The following HSF5 variants were observed in gnomAD, a reference collection of about 807,000 sequenced individuals.
The protein encoded by HSF5 is heat shock factor protein 5.
HSF5 carries 5 observed loss-of-function variants against 50.8 expected under a neutral mutation model. The observed-to-expected ratio is 0.10, with a 90% CI of 0.05 to 0.21. The LOEUF is 0.21. Among genes scored for constraint, HSF5 ranks in the 10% least tolerant of loss-of-function variants. The pLI, the probability that HSF5 is intolerant of heterozygous loss-of-function variation, is 1.00. For missense variants in HSF5, 564 were observed against 762.6 expected, an observed-to-expected ratio of 0.74 and a Z score of 3.07; for synonymous variants, 307 against 307.4, an observed-to-expected ratio of 1.00 and a Z score of 0.02.
intron 5 of HSF5, among the ~76,000 whole-genome samples, chr17:58,452,671 G>A (rs1000129261): frequency 9.9e-5 from 15 of 152,160 alleles, no homozygotes; most frequent in Admixed American, 2.0e-4. Flanking sequence ...TTAGCTAGGC[G>A]TCACCGCACC....
rs1356023984 is a variant in HSF5 at position 58,488,392 on chromosome 17, A to G, written c.-118T>C. 2 of 1,304,730 alleles carry G rather than the reference A, an allele frequency of 1.5e-6. No homozygotes were observed. Among genetic ancestry groups the G allele is most frequent in the Non-Finnish European group, 9.7e-7 (1 of 1,032,714 alleles). 80.8% of individuals were successfully genotyped at this position (1,304,730 alleles called of 1,614,324 possible). Reference sequence around the variant, plus strand: ...TGCCGGCGCCCATCCGCCGCGTACCAGGGACCGTTGGCGCACGAGGCCCCG... The same window carrying G: ...TGCCGGCGCCCATCCGCCGCGTACCGGGGACCGTTGGCGCACGAGGCCCCG... On this transcript the variant is annotated 5_prime_UTR_variant, in exon 1 of 6. Coordinates refer to ENST00000323777, the MANE Select transcript of HSF5 (RefSeq NM_001080439.3). This position sits in a 1 kb window ranked among gnomAD's most constrained non-coding sequence, Gnocchi z 4.1.
At chr17:58,434,532 A>G (rs1381817799) in intron 5 of HSF5, among the ~76,000 whole-genome samples, 5 of 150,754 alleles carry the variant, frequency 3.3e-5, no homozygotes, top group Admixed American at 3.3e-4. Flanking sequence ...GCCTGGCAAC[A>G]GAGCTAGACT....
intron 5 of HSF5, among the ~76,000 whole-genome samples, chr17:58,457,059 G>A (rs1974721113): frequency 6.6e-6 from 1 of 152,064 alleles, no homozygotes. Flanking sequence ...AGGAGTTCAA[G>A]ACCAGCCTGG....
At chr17:58,477,023 CACACGCGCGGG>C (rs1454393229) in intron 2 of HSF5, 1 of 561,970 alleles carries the variant, frequency 1.8e-6, no homozygotes, top group Non-Finnish European at 3.2e-6. Flanking sequence ...CCCCTCACGG[CACACGCGCGGG>C]CGCTTGCTGG....
At chr17:58,442,216 T>G (rs1974507626) in intron 5 of HSF5, among the ~76,000 whole-genome samples, 1 of 152,214 alleles carries the variant, frequency 6.6e-6, no homozygotes, top group Non-Finnish European at 1.5e-5. Context: ...GGTGGTGGAA[T>G]GCTTAGGTGG....
At position 58,463,440 on chromosome 17, in the gene HSF5, A is replaced by C. The variant is rs148195621; in HGVS notation, c.1021-137T>G. 146 of 690,358 alleles carry C rather than the reference A, an allele frequency of 2.1e-4. No homozygotes were observed. The African/African-American group carries it at 2.3e-3, about 11-fold the overall frequency. 42.8% of individuals were successfully genotyped at this position (690,358 alleles called of 1,614,324 possible). On this transcript the variant is annotated intron_variant, in intron 3 of 5. Coordinates refer to ENST00000323777, the MANE Select transcript of HSF5 (RefSeq NM_001080439.3). ...AGATCACTAAGAAAACCTAGACACT[A>C]ATCTACTTTTCAGCAATAGTAGCTT...
chr17:58,468,227 G>A (rs1252323518), intron 2 of HSF5, among the ~76,000 whole-genome samples: 48 of 151,944 alleles, frequency 3.2e-4, no homozygotes, highest in Non-Finnish European at 3.4e-4. Flanking sequence ...GTGAAACCCC[G>A]TCTCTACAAA....
At chr17:58,426,235 C>G (rs962644297) in intron 5 of HSF5, among the ~76,000 whole-genome samples, 5 of 152,184 alleles carry the variant, frequency 3.3e-5, no homozygotes, top group African/African-American at 1.2e-4. Context: ...AATAATTGGG[C>G]TTTAAAGTAG....
intron 5 of HSF5, among the ~76,000 whole-genome samples, chr17:58,443,318 T>C (rs1381275702): frequency 2.0e-5 from 3 of 152,152 alleles, no homozygotes; most frequent in Non-Finnish European, 4.4e-5. Flanking sequence ...AGTCCTTTCA[T>C]TCTTAGTTCC....
At chr17:58,445,357 T>G (rs1483280971) in intron 5 of HSF5, among the ~76,000 whole-genome samples, 1 of 152,094 alleles carries the variant, frequency 6.6e-6, no homozygotes, top group Non-Finnish European at 1.5e-5. Flanking sequence ...GAAAGGAAGA[T>G]TATTTGAGTC....
At position 58,487,832 on chromosome 17, in the gene HSF5, G is replaced by A; in HGVS notation, c.443C>T (p.Pro148Leu). 1 of 1,580,222 alleles carries A rather than the reference G, an allele frequency of 6.3e-7. No individual in the cohort carries two copies. ...LAAGLEVPCRPPNRFQRLLIT... is the reference protein window; with the variant it reads ...LAAGLEVPCRLPNRFQRLLIT... ...GAGCAGCCGCTGGAAGCGGTTGGGC[G>A]GGCGGCAGGGCACCTCCAGGCCGGC... Residue 148 changes from proline (P) to leucine (L), a missense_variant, in exon 1 of 6, where the codon CCG (proline) becomes CTG (leucine). Physicochemically the swap from Pro to Leu is moderately conservative, Grantham distance 98 (BLOSUM62 -3). Transcript: ENST00000323777.
chr17:58,426,084 T>C (rs1413588276), intron 5 of HSF5, among the ~76,000 whole-genome samples: 2 of 152,146 alleles, frequency 1.3e-5, no homozygotes, highest in Non-Finnish European at 2.9e-5. Context: ...TTTTGGAATA[T>C]GAATAGACCC....
chr17:58,473,708 A>G (rs1974976662), intron 2 of HSF5, among the ~76,000 whole-genome samples: 1 of 152,226 alleles, frequency 6.6e-6, no homozygotes, highest in African/African-American at 2.4e-5. Context: ...AAGAAAAAAA[A>G]TGATTCCAAT....
chr17:58,452,272 A>AAAAG (rs991566326), intron 5 of HSF5, among the ~76,000 whole-genome samples: 2 of 152,126 alleles, frequency 1.3e-5, no homozygotes, highest in African/African-American at 4.8e-5. Flanking sequence ...AAAAAAACAA[A>AAAAG]AAAGAAAGAA....
intron 3 of HSF5, 32 bp downstream of exon 3, chr17:58,466,853 G>A (rs775002352): frequency 3.0e-5 from 40 of 1,312,394 alleles, no homozygotes; most frequent in Admixed American, 2.2e-4. Context: ...CACATAAAGC[G>A]CGGAGCATGG....
chr17:58,470,044 C>T (rs1001755031), intron 2 of HSF5, among the ~76,000 whole-genome samples: 1 of 151,954 alleles, frequency 6.6e-6, no homozygotes, highest in African/African-American at 2.4e-5. Flanking sequence ...AGAAAATACC[C>T]AATAATATAA....
Position 58,464,626 on chromosome 17 carries a change from T to C in HSF5, c.1021-1323A>G, listed in dbSNP as rs571016923. 2.5e-4 allele frequency among the ~76,000 whole-genome samples: 38 copies of C among 152,324 alleles called. 1 individual carries two copies. In the South Asian group the frequency reaches 7.7e-3, roughly 31 times the overall value. On this transcript the variant is annotated intron_variant, in intron 3 of 5. Coordinates refer to ENST00000323777, the MANE Select transcript of HSF5 (RefSeq NM_001080439.3). Reference sequence around the variant, plus strand: ...TCCTATGATGAACACGTATTGTCTTTTTAAAATTTTTTGTTTTGTTTTTGA... The same window carrying C: ...TCCTATGATGAACACGTATTGTCTTCTTAAAATTTTTTGTTTTGTTTTTGA...
rs562898090 is a variant in HSF5 at position 58,424,720 on chromosome 17, A to G, written c.1721-2290T>C. Among the ~76,000 whole-genome samples, 11 of 152,250 alleles carry G rather than the reference A, an allele frequency of 7.2e-5. No individual in the cohort carries two copies. In the South Asian group the frequency reaches 2.3e-3, roughly 32 times the overall value. On this transcript the variant is annotated intron_variant, in intron 5 of 5. Coordinates refer to ENST00000323777, the MANE Select transcript of HSF5 (RefSeq NM_001080439.3). ...AGGATTGCTTGAGCCCAGGAATTCA[A>G]GGCTGCAGTGAGCTATGATGGCACC...
chr17:58,429,344 A>T (rs1475308233), intron 5 of HSF5, among the ~76,000 whole-genome samples: 2 of 152,192 alleles, frequency 1.3e-5, no homozygotes, highest in Non-Finnish European at 2.9e-5. Context: ...GTATATCATT[A>T]TGAATGTACT....
Sources: allele counts gnomAD v4.1 joint callset (sites outside exome capture counted in the v4.1 genomes callset), GRCh38; gene constraint gnomAD v4.1.1; non-coding constraint Gnocchi (gnomAD v3.1); transcripts MANE v1.5; gene names NCBI Gene and HGNC (gene_info 2026-07-23, HGNC 2026-07-21).